Variants in PGM3 observed in about 807,000 individuals in gnomAD.
PGM3 encodes phosphoglucomutase 3.
In PGM3, 40 loss-of-function variants were observed where a neutral mutation model predicts 66.2. The observed-to-expected ratio is 0.60, with a 90% CI of 0.47 to 0.79. The LOEUF (loss-of-function observed/expected upper bound fraction) is 0.79. PGM3 is among the 30% of genes least tolerant of loss of function. The probability of loss-of-function intolerance (pLI) is 0.00; values close to 1 mark genes in which losing one functional copy is unlikely to be tolerated. For synonymous variants in PGM3, 191 were observed against 224.2 expected (o/e 0.85, Z 1.32); for missense variants, 537 against 643.4 (o/e 0.83, Z 1.79).
the PGM3 span, among the ~76,000 whole-genome samples, chr6:83,151,065 T>A: frequency 2.6e-5 from 4 of 152,252 alleles, no homozygotes; most frequent in African/African-American, 9.6e-5. Context: ...TTGTGTCGGC[T>A]TCTTTTGTTC....
At chr6:83,152,503 A>G in the PGM3 span, 23 of 401,556 alleles carry the variant, frequency 5.7e-5, no homozygotes, top group African/African-American at 8.3e-5. Context: ...TAGAATTAAT[A>G]TAAAGTTTTG....
the PGM3 span, chr6:83,151,822 G>T: frequency 5.3e-6 from 8 of 1,519,830 alleles, no homozygotes; most frequent in Non-Finnish European, 6.3e-6. Flanking sequence ...ATAAACTACA[G>T]AAGTTCATAA....
At chr6:83,150,226 T>C in the PGM3 span, among the ~76,000 whole-genome samples, 7,569 of 152,174 alleles carry the variant, frequency 0.05, 351 homozygotes, top group African/African-American at 0.11. Flanking sequence ...ATTTAAAAAT[T>C]AGCCAGGCAT....
chr6:83,187,218 A>C, intron 3 of PGM3, 143 bp from the exon 4 acceptor site: 9 of 523,604 alleles, frequency 1.7e-5, no homozygotes, highest in East Asian at 3.2e-5. Context: ...ATGAACTCTC[A>C]AGATAACTGG....
In PGM3 at chr6:83,167,294, A is replaced by G; in HGVS notation, c.*1940T>C. 1.0e-6 allele frequency: 1 copy of G among 985,146 alleles called. No individual in the cohort carries two copies. Among genetic ancestry groups the G allele is most frequent in the Non-Finnish European group, 1.2e-6 (1 of 829,634 alleles). The allele number at this position is 985,146 out of a possible 1,614,324, so 61.0% of individuals were successfully genotyped here. A position where few individuals can be genotyped will look rare whatever the true frequency, so the allele number is the denominator to read the frequency against. On this transcript the variant is annotated 3_prime_UTR_variant, in exon 13 of 13. Coordinates refer to ENST00000513973, the MANE Select transcript of PGM3 (RefSeq NM_015599.3). ...CTCCCTATGTTGTTTAGCACAACCC[A>G]GAAGGAGACAGCAGTGTCTCCTGAG...
downstream of PGM3, among the ~76,000 whole-genome samples, chr6:83,158,249 C>T (rs953405212): frequency 6.6e-6 from 1 of 152,138 alleles, no homozygotes; most frequent in Non-Finnish European, 1.5e-5. Flanking sequence ...GATCTGCCCA[C>T]CTCGACCTCC....
downstream of PGM3, chr6:83,157,456 T>C (rs1049841754): frequency 4.1e-5 from 37 of 900,398 alleles, 1 homozygote; most frequent in South Asian, 2.5e-4. Context: ...CTTTTTACAG[T>C]TGAAAATAGT....
At chr6:83,169,594 C>G in intron 12 of PGM3, 1 of 469,240 alleles carries the variant, frequency 2.1e-6, no homozygotes, top group South Asian at 2.0e-5. Context: ...TGAAAAAATT[C>G]AATAAAACTT....
At chr6:83,184,275 T>A (rs1366825205) in intron 4 of PGM3, among the ~76,000 whole-genome samples, 6 of 152,184 alleles carry the variant, frequency 3.9e-5, no homozygotes, top group African/African-American at 1.4e-4. Flanking sequence ...ACTACACCTG[T>A]CAGTTGGACC....
chr6:83,162,363 A>G (rs1374896729), downstream of PGM3, among the ~76,000 whole-genome samples: 1 of 152,190 alleles, frequency 6.6e-6, no homozygotes, highest in Non-Finnish European at 1.5e-5. Flanking sequence ...CTATGCAACT[A>G]GGGAACATTT....
chr6:83,148,900 G>A, the PGM3 span: 2 of 1,277,202 alleles, frequency 1.6e-6, no homozygotes, highest in African/African-American at 1.6e-5. Flanking sequence ...CAAATAAAAG[G>A]ATAATGTTAA....
intron 12 of PGM3, 58 bp from the exon 13 acceptor site, chr6:83,169,381 G>T: frequency 6.3e-7 from 1 of 1,589,174 alleles, no homozygotes. Context: ...TCTAACATGG[G>T]CAAGACCATG....
intron 5 of PGM3, among the ~76,000 whole-genome samples, chr6:83,182,384 A>G (rs889514337): frequency 6.6e-6 from 1 of 152,208 alleles, no homozygotes; most frequent in Non-Finnish European, 1.5e-5. Context: ...GTTCTATGAG[A>G]GCAAGGGCTT....
downstream of PGM3, among the ~76,000 whole-genome samples, chr6:83,157,994 T>A (rs969024545): frequency 3.3e-5 from 5 of 152,000 alleles, no homozygotes; most frequent in African/African-American, 1.2e-4. Context: ...TTTCTTTTAT[T>A]TTTCCTTTTT....
chr6:83,157,915 C>G (rs1156346172), downstream of PGM3, among the ~76,000 whole-genome samples: 1 of 152,118 alleles, frequency 6.6e-6, no homozygotes, highest in Non-Finnish European at 1.5e-5. Context: ...AATGAGTAAA[C>G]AATGGAAAAG....
chr6:83,184,463 A>G (rs998491653), intron 4 of PGM3, among the ~76,000 whole-genome samples: 4 of 152,262 alleles, frequency 2.6e-5, no homozygotes, highest in African/African-American at 9.6e-5. Flanking sequence ...AGATTAGTTT[A>G]ATGGAAGTGT....
chr6:83,178,327 T>C (rs1321675355), intron 8 of PGM3, among the ~76,000 whole-genome samples: 2 of 152,208 alleles, frequency 1.3e-5, no homozygotes, highest in Non-Finnish European at 2.9e-5. Flanking sequence ...GCTATCTTCC[T>C]TGATGTTTAT....
the PGM3 span, chr6:83,153,955 C>T: frequency 6.2e-7 from 1 of 1,613,996 alleles, no homozygotes; most frequent in African/African-American, 1.3e-5. Flanking sequence ...TAGTGGGTAT[C>T]AGTACACACG....
rs1447922919 is a variant in PGM3 at position 83,178,715 on chromosome 6, A to G, written c.987T>C (p.Tyr329=). Residue 329 remains tyrosine, a synonymous_variant, in exon 8 of 13, where the codon TAT becomes TAC. Transcript: ENST00000513973. ...GATACCGTGTTGAACTTCCATTTGCATATGCAGTTTGTACAACACCAATAT... is the reference window on the plus strand; with the variant it reads ...GATACCGTGTTGAACTTCCATTTGCGTATGCAGTTTGTACAACACCAATAT... ...SLNIGVVQTA[Y]ANGSSTRYLE... 1.9e-6 allele frequency: 3 copies of G among 1,605,862 alleles called. No individual in the cohort carries two copies. The highest frequency in any genetic ancestry group is 2.6e-6 in the Non-Finnish European group (3 of 1,172,646).
Sources: gnomAD v4.1 joint callset for allele counts (sites outside exome capture counted in the v4.1 genomes callset) on GRCh38, gnomAD v4.1.1 for gene constraint, MANE v1.5 for transcripts, NCBI Gene and HGNC (gene_info 2026-07-23, HGNC 2026-07-21) for gene names.